WDFY4: variants seen among roughly 807,000 people sequenced by gnomAD.
The protein encoded by WDFY4 is WDFY family member 4.
WDFY4 carries 169 observed loss-of-function variants against 351.9 expected under a neutral mutation model. That is an observed-to-expected ratio of 0.48 (90% CI 0.42 to 0.55). The LOEUF (loss-of-function observed/expected upper bound fraction) is 0.55, where lower values mean the gene tolerates loss of function less well. Ranked by LOEUF, WDFY4 falls within the 20% of genes least tolerant of loss-of-function variation. The pLI, the probability that WDFY4 is intolerant of heterozygous loss-of-function variation, is 0.00. For synonymous variants in WDFY4, 1,622 were observed against 1,574.6 expected (o/e 1.03, Z -0.71); for missense variants, 3,803 against 3,935.6 (o/e 0.97, Z 0.90).
chr10:48,923,496 G>GTATTTATATATATATATATATATATA (rs1839280373), intron 47 of WDFY4, among the ~76,000 whole-genome samples: 1 of 63,214 alleles, frequency 1.6e-5, no homozygotes, highest in Admixed American at 2.2e-4. Context: ...ATAGTTTTTA[G>GTATTTATATATATATATATATATATA]TATATATATA....
At chr10:48,729,121 G>A (rs908712848) in intron 7 of WDFY4, among the ~76,000 whole-genome samples, 1 of 152,220 alleles carries the variant, frequency 6.6e-6, no homozygotes, top group Admixed American at 6.5e-5. Context: ...TCTCCTTTGG[G>A]AGGTGCCCTG....
At position 48,805,994 on chromosome 10, in the gene WDFY4, G is replaced by A; in HGVS notation, c.4647-10G>A. On this transcript the variant is annotated splice_polypyrimidine_tract_variant and intron_variant, in intron 26 of 61. Transcript: ENST00000325239. ...CCTGCGAGCCTGTCCTTCTCTCCCT[G>A]TGTATAAAGGATTGGGCTGTTTGTT... 1 of 1,551,634 alleles carries A rather than the reference G, an allele frequency of 6.4e-7. No individual in the cohort carries two copies. The highest frequency in any genetic ancestry group is 8.7e-7 in the Non-Finnish European group (1 of 1,146,912).
intron 12 of WDFY4, among the ~76,000 whole-genome samples, chr10:48,744,564 C>T (rs2064953374): frequency 6.6e-6 from 1 of 152,182 alleles, no homozygotes; most frequent in Non-Finnish European, 1.5e-5. Context: ...ATACTCCTTT[C>T]CTGGCTATTT....
At chr10:48,791,890 A>T (rs1007532605) in intron 23 of WDFY4, among the ~76,000 whole-genome samples, 1 of 152,130 alleles carries the variant, frequency 6.6e-6, no homozygotes, top group African/African-American at 2.4e-5. Context: ...CCACAGCTGG[A>T]CAGTAACCCC....
intron 43 of WDFY4, among the ~76,000 whole-genome samples, chr10:48,878,840 A>C (rs1233213502): frequency 6.6e-6 from 1 of 152,264 alleles, no homozygotes. Context: ...TACAGGAGGA[A>C]ACCCTGTTGT....
chr10:48,875,111 A>G lies in WDFY4; in HGVS notation c.6971A>G (p.His2324Arg). Residue 2324 changes from histidine (H) to arginine (R), a missense_variant, in exon 42 of 62, where the codon CAT becomes CGT. Coordinates refer to ENST00000325239, the MANE Select transcript of WDFY4 (RefSeq NM_001394531.1). ...CAGGAAAGCCAAGACAAAAATGATC[A>G]TATTTCTCAAACAAATGCTGAAAAC... Reference protein sequence around the residue: ...RHKESQDKNDHISQTNAENQD... With the variant: ...RHKESQDKNDRISQTNAENQD... 3 of 1,490,122 alleles carry G rather than the reference A, an allele frequency of 2.0e-6. No individual in the cohort carries two copies. Among genetic ancestry groups the G allele is most frequent in the Non-Finnish European group, 1.8e-6 (2 of 1,117,714 alleles). The allele number at this position is 1,490,122 out of a possible 1,614,324, so 92.3% of individuals were successfully genotyped here.
At chr10:48,981,544 CAGTGGCT>C in intron 61 of WDFY4, 66 bp downstream of exon 61, 1 of 1,483,068 alleles carries the variant, frequency 6.7e-7, no homozygotes, top group Non-Finnish European at 9.2e-7. Context: ...AGGAAAGCCC[CAGTGGCT>C]CTGAGTCCAG....
chr10:48,961,049 T>A (rs1380474085), intron 53 of WDFY4, among the ~76,000 whole-genome samples: 3 of 152,232 alleles, frequency 2.0e-5, no homozygotes, highest in Non-Finnish European at 4.4e-5. Flanking sequence ...AACTGGGCAT[T>A]TTAAAAGGGC....
At position 48,942,175 on chromosome 10, in the gene WDFY4, G is replaced by C. The variant is rs200758671; in HGVS notation, c.7629+327G>C. 5.9e-5 allele frequency among the ~76,000 whole-genome samples: 9 copies of C among 152,274 alleles called. No homozygotes were observed. In the East Asian group the frequency reaches 1.7e-3, roughly 29 times the overall value. ...AGACAGGGTTTCACCATGCTGGCCAGGCTGGTCTTGAACTCCTGACCTCAG... is the reference window on the plus strand; with the variant it reads ...AGACAGGGTTTCACCATGCTGGCCACGCTGGTCTTGAACTCCTGACCTCAG... On this transcript the variant is annotated intron_variant, in intron 48 of 61. Coordinates refer to ENST00000325239, the MANE Select transcript of WDFY4 (RefSeq NM_001394531.1).
At position 48,822,374 on chromosome 10, in the gene WDFY4, C is replaced by T; in HGVS notation, c.5825-6C>T. ...TCTCACCTCCACCTGTCCCCTCACT[C>T]CACAGACGGCAAAGAGCCTCAGCCA... On this transcript the variant is annotated splice_region_variant and splice_polypyrimidine_tract_variant and intron_variant, in intron 34 of 61. Transcript: ENST00000325239. The T allele has an allele frequency of 6.5e-7, 1 of 1,537,800 alleles. No homozygotes were observed. The highest frequency in any genetic ancestry group is 1.2e-5 in the South Asian group (1 of 81,542).
chr10:48,924,358 T>G (rs1025080205), intron 47 of WDFY4, among the ~76,000 whole-genome samples: 1 of 152,236 alleles, frequency 6.6e-6, no homozygotes, highest in South Asian at 2.1e-4. Flanking sequence ...GATCTTTTGA[T>G]CATCTGTTTG....
chr10:48,786,219 T>C (rs1268174967), intron 19 of WDFY4, among the ~76,000 whole-genome samples: 6 of 152,198 alleles, frequency 3.9e-5, no homozygotes, highest in Admixed American at 3.9e-4. Context: ...TCACTTATTC[T>C]AGGATATTAA....
At chr10:48,928,723 C>T (rs1839797771) in intron 47 of WDFY4, among the ~76,000 whole-genome samples, 1 of 152,194 alleles carries the variant, frequency 6.6e-6, no homozygotes, top group Non-Finnish European at 1.5e-5. Context: ...CACTGGAGCA[C>T]CCCATCTGCC....
At chr10:48,894,602 C>G (rs1173321665) in intron 44 of WDFY4, among the ~76,000 whole-genome samples, 1 of 152,228 alleles carries the variant, frequency 6.6e-6, no homozygotes, top group Non-Finnish European at 1.5e-5. Context: ...GAGAGCATGA[C>G]AGTCACTTAG....
intron 13 of WDFY4, among the ~76,000 whole-genome samples, chr10:48,763,041 A>T (rs2065558398): frequency 6.6e-6 from 1 of 152,208 alleles, no homozygotes; most frequent in Non-Finnish European, 1.5e-5. Flanking sequence ...TGACCCCTAA[A>T]TCCCATCTTG....
intron 44 of WDFY4, among the ~76,000 whole-genome samples, chr10:48,894,203 G>T (rs940065104): frequency 1.3e-5 from 2 of 152,200 alleles, no homozygotes; most frequent in Non-Finnish European, 2.9e-5. Flanking sequence ...GGAGGAAAAT[G>T]ACTATCTTTT....
intron 39 of WDFY4, among the ~76,000 whole-genome samples, chr10:48,848,796 G>C (rs1644876708): frequency 6.6e-6 from 1 of 152,204 alleles, no homozygotes; most frequent in African/African-American, 2.4e-5. Flanking sequence ...AGGCGAGCTG[G>C]GAAAGAGAAT....
intron 38 of WDFY4, among the ~76,000 whole-genome samples, chr10:48,831,911 G>A (rs1486576251): frequency 3.9e-5 from 6 of 152,208 alleles, no homozygotes; most frequent in Non-Finnish European, 5.9e-5. Context: ...ATTCATGAGC[G>A]TAGAACCCTC....
At chr10:48,884,500 A>G (rs1435254233) in intron 43 of WDFY4, among the ~76,000 whole-genome samples, 1 of 152,086 alleles carries the variant, frequency 6.6e-6, no homozygotes, top group Non-Finnish European at 1.5e-5. Context: ...ATGCATGCAC[A>G]GACACACATG....
Sources: allele counts gnomAD v4.1 joint callset (sites outside exome capture counted in the v4.1 genomes callset), GRCh38; gene constraint gnomAD v4.1.1; transcripts MANE v1.5; gene names NCBI Gene and HGNC (gene_info 2026-07-23, HGNC 2026-07-21).